The following LURAP1L variants were observed in gnomAD, a reference collection of about 807,000 sequenced individuals.
LURAP1L encodes leucine rich adaptor protein 1-like.
LURAP1L carries 12 observed loss-of-function variants against 13.8 expected under a neutral mutation model. The observed-to-expected ratio is 0.87, with a 90% CI of 0.56 to 1.41. The LOEUF is 1.41. Among genes scored for constraint, LURAP1L ranks in the 40% most tolerant of loss-of-function variants. The probability of loss-of-function intolerance (pLI) is 0.00; values close to 1 mark genes in which losing one functional copy is unlikely to be tolerated. For missense variants in LURAP1L, 375 were observed against 292.9 expected, an observed-to-expected ratio of 1.28 and a Z score of -2.04; for synonymous variants, 139 against 119.2, an observed-to-expected ratio of 1.17 and a Z score of -1.08.
intron 1 of LURAP1L, among the ~76,000 whole-genome samples, chr9:12,818,130 T>TA (rs35502818): frequency 0.024 from 2,802 of 119,060 alleles, 40 homozygotes; most frequent in Middle Eastern, 0.046. Context: ...TTGCTTCCAC[T>TA]AAAAAAAAAA....
intron 1 of LURAP1L, among the ~76,000 whole-genome samples, chr9:12,798,876 C>A (rs534684307): frequency 5.1e-4 from 78 of 152,266 alleles, no homozygotes; most frequent in Non-Finnish European, 8.8e-4. Context: ...TGATTTTACA[C>A]CCAAGTGACT....
At chr9:12,807,091 TAA>T (rs1404657684) in intron 1 of LURAP1L, among the ~76,000 whole-genome samples, 2 of 99,282 alleles carry the variant, frequency 2.0e-5, no homozygotes, top group African/African-American at 9.3e-5. Context: ...CTGTCTCTAC[TAA>T]AATATATATA....
At chr9:12,783,696 A>G (rs187540699) in intron 1 of LURAP1L, among the ~76,000 whole-genome samples, 2 of 152,056 alleles carry the variant, frequency 1.3e-5, no homozygotes, top group Admixed American at 1.3e-4. Context: ...TGATTTTGAT[A>G]TCAGGGTAAT....
In LURAP1L at chr9:12,822,927, T is replaced by C. The variant is rs1184911701; in HGVS notation, c.*1167T>C. On this transcript the variant is annotated 3_prime_UTR_variant, in exon 2 of 2. Coordinates refer to ENST00000319264, the MANE Select transcript of LURAP1L (RefSeq NM_203403.2). ...CTCTATAATACAAATCAAAAAATCT[T>C]CCTTCTTATAACTGAGAAATGTTTC... 6.6e-6 allele frequency among the ~76,000 whole-genome samples: 1 copy of C among 152,200 alleles called. No individual in the cohort carries two copies. The highest frequency in any genetic ancestry group is 1.5e-5 in the Non-Finnish European group (1 of 68,026).
chr9:12,796,819 C>A (rs1220251875), intron 1 of LURAP1L, among the ~76,000 whole-genome samples: 2 of 150,586 alleles, frequency 1.3e-5, no homozygotes, highest in Admixed American at 6.7e-5. Flanking sequence ...CCTTCACTTT[C>A]TAGTTGTATG....
At chr9:12,814,934 G>A (rs1306786696) in intron 1 of LURAP1L, among the ~76,000 whole-genome samples, 1 of 152,172 alleles carries the variant, frequency 6.6e-6, no homozygotes, top group East Asian at 1.9e-4. Context: ...AAATTTTGTT[G>A]TAAATTTTGA....
intron 1 of LURAP1L, among the ~76,000 whole-genome samples, chr9:12,804,067 G>A (rs1032862846): frequency 1.3e-5 from 2 of 152,054 alleles, no homozygotes; most frequent in African/African-American, 4.8e-5. Context: ...AATCATATTT[G>A]CATTAAATTA....
At chr9:12,780,767 CA>C (rs1332763436) in intron 1 of LURAP1L, among the ~76,000 whole-genome samples, 3 of 151,594 alleles carry the variant, frequency 2.0e-5, no homozygotes, top group African/African-American at 7.3e-5. Context: ...AAATGTTTCT[CA>C]TTGTAAAACT....
intron 1 of LURAP1L, among the ~76,000 whole-genome samples, chr9:12,776,590 G>A (rs1350660024): frequency 6.6e-6 from 1 of 152,014 alleles, no homozygotes; most frequent in Non-Finnish European, 1.5e-5. Context: ...CAAGGCCACT[G>A]TCGAGCAGAT....
intron 1 of LURAP1L, among the ~76,000 whole-genome samples, chr9:12,808,028 T>C (rs867080353): frequency 2.6e-5 from 4 of 152,174 alleles, no homozygotes; most frequent in Non-Finnish European, 5.9e-5. Context: ...ATAAAATGAC[T>C]ATCATTCATT....
intron 1 of LURAP1L, among the ~76,000 whole-genome samples, chr9:12,792,439 C>A (rs1819452885): frequency 1.3e-5 from 2 of 152,120 alleles, no homozygotes; most frequent in South Asian, 4.1e-4. Flanking sequence ...CATCTTCTCT[C>A]CTCAGTCCTG....
intron 1 of LURAP1L, among the ~76,000 whole-genome samples, chr9:12,783,674 T>C (rs1481173248): frequency 6.6e-6 from 1 of 152,102 alleles, no homozygotes; most frequent in Non-Finnish European, 1.5e-5. Flanking sequence ...CTTTTTTTGA[T>C]ACGTCTTTGC....
chr9:12,813,931 T>C (rs767578929), intron 1 of LURAP1L, among the ~76,000 whole-genome samples: 5 of 152,198 alleles, frequency 3.3e-5, no homozygotes, highest in African/African-American at 4.8e-5. Context: ...TTGCTATACA[T>C]ACAACAGTTC....
At chr9:12,786,577 TATATAA>T (rs1819358152) in intron 1 of LURAP1L, among the ~76,000 whole-genome samples, 1 of 131,862 alleles carries the variant, frequency 7.6e-6, no homozygotes, top group East Asian at 2.3e-4. Context: ...TATATATATA[TATATAA>T]ACCCTTGTGC....
intron 1 of LURAP1L, among the ~76,000 whole-genome samples, chr9:12,782,717 C>G (rs1265004762): frequency 6.6e-6 from 1 of 151,964 alleles, no homozygotes; most frequent in Non-Finnish European, 1.5e-5. Flanking sequence ...TTTTCTGATC[C>G]CATATAAATT....
At chr9:12,777,477 A>G in intron 1 of LURAP1L, 1 of 985,336 alleles carries the variant, frequency 1.0e-6, no homozygotes, top group Non-Finnish European at 1.2e-6. Flanking sequence ...GAAGACATCA[A>G]GGAGATGAGG....
In LURAP1L at chr9:12,775,846, G is replaced by T. The variant is rs780163680; in HGVS notation, c.131G>T (p.Gly44Val). The stretch of plus-strand genomic sequence containing the variant: ...AGGGAAAGGGACAGGGACCCCTGCG[G>T]GGGGAGCGGTGGTGGTGGCGGCGGC... ...VPRERDRDPC[G>V]GSGGGGGGGG... Residue 44 changes from glycine (G) to valine (V), a missense_variant, in exon 1 of 2, where the codon GGG becomes GTG. Physicochemically the swap from Gly to Val is moderately radical, Grantham distance 109. Coordinates refer to ENST00000319264, the MANE Select transcript of LURAP1L (RefSeq NM_203403.2). The T allele has an allele frequency of 5.5e-5, 87 of 1,584,438 alleles. No homozygotes were observed. Among genetic ancestry groups the T allele is most frequent in the Middle Eastern group, 1.7e-4 (1 of 6,016 alleles).
intron 1 of LURAP1L, among the ~76,000 whole-genome samples, chr9:12,809,229 A>G (rs972074653): frequency 1.3e-5 from 2 of 152,190 alleles, no homozygotes; most frequent in Non-Finnish European, 2.9e-5. Flanking sequence ...ACATTTCAAC[A>G]TGAAATTTGG....
chr9:12,777,291 A>C (rs915613522), intron 1 of LURAP1L: 4 of 985,394 alleles, frequency 4.1e-6, no homozygotes, highest in Non-Finnish European at 4.8e-6. Flanking sequence ...ATAGATGAAA[A>C]GATAAAATGG....
Sources: allele counts gnomAD v4.1 joint callset (sites outside exome capture counted in the v4.1 genomes callset), GRCh38; gene constraint gnomAD v4.1.1; transcripts MANE v1.5; gene names NCBI Gene and HGNC (gene_info 2026-07-23, HGNC 2026-07-21).